The following PATJ variants were observed in gnomAD, a reference collection of about 807,000 sequenced individuals.
PATJ encodes inaD-like protein.
Under a neutral mutation model 224.9 loss-of-function variants are expected in PATJ, and 190 were observed. The ratio of observed to expected loss-of-function variants is 0.84; its 90% CI spans 0.75 to 0.95. The LOEUF is 0.95. Ranked by LOEUF, PATJ falls within the 40% of genes least tolerant of loss-of-function variation. The probability of loss-of-function intolerance (pLI) is 0.00; values close to 1 mark genes in which losing one functional copy is unlikely to be tolerated. For missense variants in PATJ, 2,121 were observed against 2,270.3 expected (o/e 0.93, Z 1.34); for synonymous variants, 769 against 820.3 (o/e 0.94, Z 1.07).
At chr1:61,749,141 A>ATT (rs767004758) in intron 1 of PATJ, among the ~76,000 whole-genome samples, 2 of 136,530 alleles carry the variant, frequency 1.5e-5, no homozygotes, top group Non-Finnish European at 1.6e-5. Context: ...ACGCCCAGCT[A>ATT]TTTTTTTTTT....
intron 39 of PATJ, among the ~76,000 whole-genome samples, chr1:62,123,757 G>T (rs149330544): frequency 7.2e-6 from 1 of 139,568 alleles, no homozygotes; most frequent in Non-Finnish European, 1.5e-5. Context: ...GATTACAGGC[G>T]TGAGGCACCG....
intron 16 of PATJ, 74 bp downstream of exon 16, chr1:61,827,657 T>C: frequency 7.1e-7 from 1 of 1,406,378 alleles, no homozygotes; most frequent in South Asian, 1.5e-5. Flanking sequence ...TGTGCTGCAA[T>C]AAGAAGGGAG....
chr1:61,900,658 C>T (rs527805162), intron 23 of PATJ, among the ~76,000 whole-genome samples: 59 of 152,146 alleles, frequency 3.9e-4, no homozygotes, highest in Admixed American at 9.2e-4. Context: ...GGCGCAATCT[C>T]GGCTCACTGC....
intron 27 of PATJ, among the ~76,000 whole-genome samples, chr1:61,944,784 C>T (rs540224733): frequency 2.6e-5 from 4 of 152,072 alleles, no homozygotes; most frequent in East Asian, 1.9e-4. Context: ...TCAGATTCAC[C>T]GAAGTTGAAA....
rs149364889 is a variant in PATJ, at chr1:62,143,769, G to A, written c.5272-4515G>A. Among the ~76,000 whole-genome samples the A allele has an allele frequency of 6.7e-3, 1,014 of 152,178 alleles. 11 individuals carry two copies. The highest frequency in any genetic ancestry group is 0.023 in the African/African-American group (967 of 41,516). On this transcript the variant is annotated intron_variant, in intron 41 of 43. Coordinates refer to ENST00000642238, the MANE Select transcript of PATJ (RefSeq NM_001350145.3). Reference sequence around the variant, plus strand: ...TGGCCTAAGCTGGGATTGTGAGCACGTTGGAATGTAAAGCTGTGGGAATGT... The same window carrying A: ...TGGCCTAAGCTGGGATTGTGAGCACATTGGAATGTAAAGCTGTGGGAATGT...
At chr1:62,005,702 G>A (rs1204052563) in intron 28 of PATJ, among the ~76,000 whole-genome samples, 1 of 151,990 alleles carries the variant, frequency 6.6e-6, no homozygotes, top group Non-Finnish European at 1.5e-5. Context: ...AGGCTTCTAG[G>A]CTACAGTGAG....
chr1:61,883,629 C>T (rs1454623107), intron 21 of PATJ, among the ~76,000 whole-genome samples: 1 of 151,712 alleles, frequency 6.6e-6, no homozygotes, highest in East Asian at 1.9e-4. Flanking sequence ...CAACACAACA[C>T]CTGTAGTCCC....
intron 22 of PATJ, among the ~76,000 whole-genome samples, chr1:61,897,970 G>A (rs986882763): frequency 6.6e-6 from 1 of 152,178 alleles, no homozygotes; most frequent in Non-Finnish European, 1.5e-5. Flanking sequence ...TATTTGGCTT[G>A]TCTAGATCCT....
intron 17 of PATJ, among the ~76,000 whole-genome samples, chr1:61,843,683 G>A (rs1661465810): frequency 6.8e-6 from 1 of 148,142 alleles, no homozygotes. Flanking sequence ...TCACACCACT[G>A]CACTTCAGCC....
At chr1:62,062,416 TTTTCCTTTTTTGACAGGATCTCAC>T (rs1655671809) in intron 31 of PATJ, among the ~76,000 whole-genome samples, 1 of 131,388 alleles carries the variant, frequency 7.6e-6, no homozygotes, top group Admixed American at 7.7e-5. Flanking sequence ...TTTTTTTTTT[TTTTCCTTTTTTGACAGGATCTCAC>T]TGTGTTTCCC....
intron 35 of PATJ, chr1:62,114,539 G>T: frequency 4.0e-6 from 1 of 252,358 alleles, no homozygotes; most frequent in African/African-American, 2.3e-5. Flanking sequence ...GTTTTGCAGA[G>T]GTTGATTAAA....
intron 27 of PATJ, among the ~76,000 whole-genome samples, chr1:61,933,136 A>G (rs188303473): frequency 6.6e-6 from 1 of 152,278 alleles, no homozygotes; most frequent in Admixed American, 6.5e-5. Flanking sequence ...TTAAGAAACA[A>G]TGTACTGCAT....
intron 20 of PATJ, among the ~76,000 whole-genome samples, chr1:61,871,439 A>ATG (rs1272962191): frequency 1.2e-5 from 1 of 86,336 alleles, no homozygotes; most frequent in African/African-American, 4.5e-5. Flanking sequence ...ATATATGTGT[A>ATG]TATACACATA....
At chr1:61,783,666 T>A (rs569927685) in intron 7 of PATJ, among the ~76,000 whole-genome samples, 39 of 151,882 alleles carry the variant, frequency 2.6e-4, no homozygotes, top group African/African-American at 5.1e-4. Context: ...ATTTTTTTTT[T>A]AAATTATCAT....
At chr1:62,141,231 G>A (rs977477773) in intron 41 of PATJ, among the ~76,000 whole-genome samples, 3 of 151,820 alleles carry the variant, frequency 2.0e-5, no homozygotes, top group Non-Finnish European at 2.9e-5. Context: ...CAAGATTCTA[G>A]ATTTGGATTT....
At chr1:61,796,505 T>C (rs1313997075) in intron 10 of PATJ, among the ~76,000 whole-genome samples, 3 of 152,202 alleles carry the variant, frequency 2.0e-5, no homozygotes, top group African/African-American at 7.2e-5. Context: ...TTTTGAATTT[T>C]GAATTGCATC....
At chr1:62,114,424 C>T in intron 35 of PATJ, 178 bp downstream of exon 35, 1 of 605,076 alleles carries the variant, frequency 1.7e-6, no homozygotes, top group Non-Finnish European at 2.8e-6. Context: ...GAAAAATTGT[C>T]ATATCAAGAT....
intron 25 of PATJ, among the ~76,000 whole-genome samples, chr1:61,909,546 C>T (rs1672317230): frequency 6.6e-6 from 1 of 152,116 alleles, no homozygotes; most frequent in African/African-American, 2.4e-5. Flanking sequence ...GATCATAGCT[C>T]ACTGCAGCCT....
At chr1:61,755,847 G>A (rs1359146199) in intron 1 of PATJ, among the ~76,000 whole-genome samples, 1 of 152,148 alleles carries the variant, frequency 6.6e-6, no homozygotes, top group Non-Finnish European at 1.5e-5. Context: ...TGTTGCCCAG[G>A]CTGGAGCGCA....
Sources: gnomAD v4.1 joint callset for allele counts (sites outside exome capture counted in the v4.1 genomes callset) on GRCh38, gnomAD v4.1.1 for gene constraint, MANE v1.5 for transcripts, NCBI Gene and HGNC (gene_info 2026-07-23, HGNC 2026-07-21) for gene names.